NBEA: variants seen among roughly 807,000 people sequenced by gnomAD.
The protein encoded by NBEA is lysosomal-trafficking regulator 2.
Under a neutral mutation model 343.4 loss-of-function variants are expected in NBEA, and 44 were observed. That is an observed-to-expected ratio of 0.13 (90% confidence interval 0.10 to 0.16). The LOEUF (loss-of-function observed/expected upper bound fraction) is 0.16, where lower values mean the gene tolerates loss of function less well. NBEA is among the 10% of genes least tolerant of loss of function. NBEA has a pLI of 1.00. For missense variants in NBEA, 2,555 were observed against 3,631.3 expected (o/e 0.70, Z 7.62); for synonymous variants, 1,175 against 1,238.7 (o/e 0.95, Z 1.08).
intron 34 of NBEA, among the ~76,000 whole-genome samples, chr13:35,255,942 A>G (rs2032538824): frequency 6.6e-6 from 1 of 152,250 alleles, no homozygotes; most frequent in Non-Finnish European, 1.5e-5. Context: ...AACTCTTGGG[A>G]GACCCAAAGT....
intron 6 of NBEA, among the ~76,000 whole-genome samples, chr13:35,053,810 T>C (rs560956542): frequency 6.6e-6 from 1 of 152,266 alleles, no homozygotes; most frequent in Non-Finnish European, 1.5e-5. Flanking sequence ...TTAGGAACTT[T>C]TCCTCATAGT....
chr13:35,156,807 T>A (rs931642877), intron 20 of NBEA, among the ~76,000 whole-genome samples: 25 of 152,076 alleles, frequency 1.6e-4, no homozygotes, highest in African/African-American at 5.8e-4. Context: ...ACATTGTGAG[T>A]GCTAAAGGTG....
chr13:35,126,443 G>GA (rs2067137693), intron 17 of NBEA, among the ~76,000 whole-genome samples: 2 of 151,566 alleles, frequency 1.3e-5, no homozygotes, highest in African/African-American at 4.8e-5. Flanking sequence ...AATACTGGAA[G>GA]AAAATAACTA....
intron 41 of NBEA, among the ~76,000 whole-genome samples, chr13:35,498,242 C>T (rs550100362): frequency 1.1e-4 from 17 of 152,138 alleles, no homozygotes; most frequent in African/African-American, 3.8e-4. Flanking sequence ...GAAAATCTCT[C>T]ATTGCTAATC....
At chr13:35,037,885 A>G (rs566041003) in intron 1 of NBEA, among the ~76,000 whole-genome samples, 22 of 152,284 alleles carry the variant, frequency 1.4e-4, no homozygotes, top group Middle Eastern at 3.4e-3. Context: ...GGGCTCTACA[A>G]TTAGCAAGTA....
At position 35,232,547 on chromosome 13, in the gene NBEA, AT is replaced by A; in HGVS notation, c.5709del (p.Phe1903LeufsTer2). ...AAAAGTTGCTCCTCTTCTTCGTGAA[AT>A]TTTTGTAGACTTTGCCCCATTCCTA... ...LEKVAPLLREIFVDFAPFLSR... is the reference protein window; with the variant it reads ...LEKVAPLLREXFVDFAPFLSR... On this transcript the variant is annotated frameshift_variant, in exon 34 of 59. Coordinates refer to ENST00000379939, the MANE Select transcript of NBEA (RefSeq NM_001385012.1). LOFTEE classifies it high-confidence loss of function. 1 of 1,553,414 alleles carries A rather than the reference AT, an allele frequency of 6.4e-7. No individual in the cohort carries two copies. The highest frequency in any genetic ancestry group is 1.2e-5 in the South Asian group (1 of 83,952).
chr13:35,496,535 A>G lies in NBEA; in HGVS notation c.6585+23999A>G, dbSNP rs371574743. On this transcript the variant is annotated intron_variant, in intron 41 of 58. Coordinates refer to ENST00000379939, the MANE Select transcript of NBEA (RefSeq NM_001385012.1). The stretch of plus-strand genomic sequence containing the variant: ...TGTGGTCCCAGCTATTCAGTAGGCT[A>G]AGGTGGAAGGATCACTTGAGCCCAG... Among the ~76,000 whole-genome samples, 36 of 151,118 alleles carry G rather than the reference A, an allele frequency of 2.4e-4. 1 individual carries two copies. Among genetic ancestry groups the G allele is most frequent in the African/African-American group, 8.5e-4 (35 of 41,250 alleles).
At position 35,113,627 on chromosome 13, in the gene NBEA, A is replaced by ATCTATCTATCTATCTG. The variant is rs138177740; in HGVS notation, c.2002+2652_2002+2653insATCTATCTATCTGTCT. Among the ~76,000 whole-genome samples the ATCTATCTATCTATCTG allele has an allele frequency of 1.7e-3, 254 of 150,708 alleles. 1 individual carries two copies. Among genetic ancestry groups the ATCTATCTATCTATCTG allele is most frequent in the Middle Eastern group, 6.9e-3 (2 of 290 alleles). ...TATCTATCTATCTATCTATCTATCT[A>ATCTATCTATCTATCTG]TCTGTCTGTCTATCATCTTTTATAT... On this transcript the variant is annotated intron_variant, in intron 13 of 58. Transcript: ENST00000379939.
chr13:35,664,214 TG>T (rs1219086529), intron 55 of NBEA, among the ~76,000 whole-genome samples: 1 of 152,154 alleles, frequency 6.6e-6, no homozygotes, highest in Non-Finnish European at 1.5e-5. Flanking sequence ...CTGCCAGCCC[TG>T]GAACATTTAA....
intron 41 of NBEA, among the ~76,000 whole-genome samples, chr13:35,540,515 A>AG (rs1371846726): frequency 6.6e-6 from 1 of 152,208 alleles, no homozygotes; most frequent in African/African-American, 2.4e-5. Context: ...TATTTACACA[A>AG]GAACATTCAT....
intron 41 of NBEA, among the ~76,000 whole-genome samples, chr13:35,501,762 A>T (rs932026973): frequency 1.3e-5 from 2 of 152,086 alleles, no homozygotes; most frequent in Non-Finnish European, 2.9e-5. Flanking sequence ...GCATTTGATG[A>T]TGGAACTATA....
At chr13:35,252,872 C>T (rs1052142360) in intron 34 of NBEA, among the ~76,000 whole-genome samples, 3 of 152,168 alleles carry the variant, frequency 2.0e-5, no homozygotes, top group African/African-American at 7.2e-5. Context: ...GTCCCTAAAA[C>T]TTGGGATGGA....
At chr13:35,574,476 A>T (rs1461653559) in intron 45 of NBEA, among the ~76,000 whole-genome samples, 2 of 152,070 alleles carry the variant, frequency 1.3e-5, no homozygotes, top group Non-Finnish European at 2.9e-5. Context: ...CTTTTAAAAT[A>T]TCCTGCACAA....
At chr13:35,256,143 C>T (rs2032566737) in intron 34 of NBEA, among the ~76,000 whole-genome samples, 2 of 152,134 alleles carry the variant, frequency 1.3e-5, no homozygotes, top group East Asian at 3.9e-4. Flanking sequence ...CAGCTCTCAG[C>T]AGAGAGGAGA....
At chr13:35,113,956 T>G (rs1251532763) in intron 13 of NBEA, among the ~76,000 whole-genome samples, 1 of 152,214 alleles carries the variant, frequency 6.6e-6, no homozygotes, top group East Asian at 1.9e-4. Context: ...TCACATGGAT[T>G]ATGGGACAAA....
chr13:35,532,689 C>T (rs1404684077), intron 41 of NBEA, among the ~76,000 whole-genome samples: 4 of 149,920 alleles, frequency 2.7e-5, no homozygotes, highest in Non-Finnish European at 5.9e-5. Flanking sequence ...TAGTTTGAGT[C>T]TATGCATCAT....
chr13:34,976,660 T>TG (rs1459736426), intron 1 of NBEA, among the ~76,000 whole-genome samples: 7 of 150,712 alleles, frequency 4.6e-5, no homozygotes, highest in African/African-American at 1.5e-4. Flanking sequence ...TTTTGTTTTT[T>TG]TTTTTTTTTC....
intron 1 of NBEA, among the ~76,000 whole-genome samples, chr13:35,012,960 T>G (rs894412087): frequency 6.6e-6 from 1 of 152,228 alleles, no homozygotes; most frequent in African/African-American, 2.4e-5. Flanking sequence ...GGCTCCTGAT[T>G]GTGTACTTTA....
chr13:35,414,338 G>A (rs905608646), intron 38 of NBEA, among the ~76,000 whole-genome samples: 4 of 151,972 alleles, frequency 2.6e-5, no homozygotes, highest in Middle Eastern at 3.4e-3. Flanking sequence ...TCGTTAACTC[G>A]TCATTTACAT....
Sources: allele counts gnomAD v4.1 joint callset (sites outside exome capture counted in the v4.1 genomes callset), GRCh38; gene constraint gnomAD v4.1.1; transcripts MANE v1.5; gene names NCBI Gene and HGNC (gene_info 2026-07-23, HGNC 2026-07-21).